Variants in DUSP14 observed in about 807,000 individuals in gnomAD.
DUSP14 encodes the protein dual specificity protein phosphatase 14.
Under a neutral mutation model 13.2 loss-of-function variants are expected in DUSP14, and 5 were observed. That is an observed-to-expected ratio of 0.38 (90% confidence interval 0.20 to 0.80). The LOEUF is 0.80. Among genes scored for constraint, DUSP14 ranks in the 30% least tolerant of loss-of-function variants. DUSP14 has a pLI of 0.44. For missense variants in DUSP14, 185 were observed against 264.0 expected (o/e 0.70, Z 2.07); for synonymous variants, 91 against 103.4 (o/e 0.88, Z 0.73).
At chr17:37,489,312 T>A (rs960081590), upstream of DUSP14, among the ~76,000 whole-genome samples, 1 of 151,900 alleles carries the variant, frequency 6.6e-6, no homozygotes, top group Non-Finnish European at 1.5e-5. Flanking sequence ...GGAGGTTGCA[T>A]GTTCACCTCC....
At chr17:37,500,777 T>C (rs1293435699) in intron 1 of DUSP14, among the ~76,000 whole-genome samples, 2 of 152,204 alleles carry the variant, frequency 1.3e-5, no homozygotes, top group South Asian at 4.1e-4. Context: ...CTGTGGACTT[T>C]TGCGAGCTTT....
chr17:37,509,781 G>A (rs1178774344), intron 1 of DUSP14: 1 of 152,062 alleles, frequency 6.6e-6, no homozygotes, highest in Admixed American at 6.5e-5. Context: ...TGAGGGGGAT[G>A]ATGGATGTGT....
chr17:37,509,956 A>C (rs577193019), intron 1 of DUSP14: 26 of 152,354 alleles, frequency 1.7e-4, no homozygotes, highest in African/African-American at 6.0e-4. Context: ...GTGGGGGAAC[A>C]GGTGGTAGAA....
chr17:37,490,744 C>T (rs748015619), intron 1 of DUSP14, among the ~76,000 whole-genome samples: 1 of 151,954 alleles, frequency 6.6e-6, no homozygotes, highest in East Asian at 1.9e-4. Flanking sequence ...TCCAGCAGGA[C>T]CTCCGGACAT....
At chr17:37,501,027 A>G (rs853215) in intron 1 of DUSP14, among the ~76,000 whole-genome samples, 108,390 of 152,012 alleles carry the variant, frequency 0.71, 39,186 homozygotes, top group East Asian at 0.97. Context: ...AGCCACAAAT[A>G]GACAACTCAT....
intron 1 of DUSP14, among the ~76,000 whole-genome samples, chr17:37,492,756 C>T (rs528730853): frequency 1.3e-5 from 2 of 152,226 alleles, no homozygotes; most frequent in South Asian, 2.1e-4. Context: ...ATTATTTTAA[C>T]GAAAACATAA....
At chr17:37,494,065 C>A (rs1056750161) in intron 1 of DUSP14, among the ~76,000 whole-genome samples, 5 of 150,966 alleles carry the variant, frequency 3.3e-5, no homozygotes, top group Non-Finnish European at 7.4e-5. Context: ...GCGATCTCGG[C>A]TCACTGCAAG....
At chr17:37,510,517 T>C (rs2054176282) in intron 1 of DUSP14, 160 bp from the exon 2 acceptor site, 1 of 152,228 alleles carries the variant, frequency 6.6e-6, no homozygotes, top group Admixed American at 6.5e-5. Flanking sequence ...GGCCGGTGTT[T>C]CTTACTGGTG....
At chr17:37,489,492 C>T (rs757798872), upstream of DUSP14, among the ~76,000 whole-genome samples, 4 of 152,184 alleles carry the variant, frequency 2.6e-5, no homozygotes, top group South Asian at 2.1e-4. Flanking sequence ...CGGCTTCACA[C>T]CTGTATCGGA....
chr17:37,500,837 G>A (rs565339044), intron 1 of DUSP14, among the ~76,000 whole-genome samples: 1 of 152,234 alleles, frequency 6.6e-6, no homozygotes, highest in South Asian at 2.1e-4. Flanking sequence ...CAACAGTTTA[G>A]GATTCTTAGA....
intron 1 of DUSP14, among the ~76,000 whole-genome samples, chr17:37,490,803 G>T (rs978126966): frequency 6.6e-6 from 1 of 152,112 alleles, no homozygotes; most frequent in Non-Finnish European, 1.5e-5. Context: ...TATAAGAGAG[G>T]GGGGTGGAGA....
chr17:37,510,992 TATATA>T lies in DUSP14; in HGVS notation c.-93+234_-93+238del, dbSNP rs562733109. ...TCTGCTCTTATTAAATGTCAATATA[TATATA>T]ATATATATCAATATATATGTAAATG... On this transcript the variant is annotated intron_variant, in intron 2 of 2. Transcript: ENST00000617516. Among the ~76,000 whole-genome samples the T allele has an allele frequency of 4.5e-3, 222 of 48,904 alleles. 4 individuals are homozygous for T. The highest frequency in any genetic ancestry group is 0.023 in the African/African-American group (192 of 8,526). 32.1% of individuals were successfully genotyped at this position (48,904 alleles called of 152,430 possible).
At chr17:37,496,414 G>A (rs1291068809) in intron 1 of DUSP14, among the ~76,000 whole-genome samples, 9 of 151,218 alleles carry the variant, frequency 6.0e-5, no homozygotes, top group African/African-American at 9.7e-5. Flanking sequence ...ATCGAGACTA[G>A]CCTGACCAAC....
At chr17:37,508,734 A>ACAT (rs1568204174) in intron 1 of DUSP14, among the ~76,000 whole-genome samples, 2 of 144,154 alleles carry the variant, frequency 1.4e-5, no homozygotes, top group African/African-American at 5.1e-5. Flanking sequence ...ACTCCATCTC[A>ACAT]ATATATATAT....
intron 2 of DUSP14, among the ~76,000 whole-genome samples, chr17:37,511,506 C>G (rs960348419): frequency 4.6e-5 from 7 of 151,500 alleles, no homozygotes; most frequent in African/African-American, 1.7e-4. Context: ...GTCTCGAACT[C>G]CTGACCTCAG....
intron 1 of DUSP14, among the ~76,000 whole-genome samples, chr17:37,505,951 C>T (rs1010363789): frequency 2.6e-5 from 4 of 152,096 alleles, no homozygotes; most frequent in South Asian, 2.1e-4. Flanking sequence ...AGACCAGCAT[C>T]GTCTCTGAGA....
At chr17:37,511,433 A>G (rs1274568232) in intron 2 of DUSP14, among the ~76,000 whole-genome samples, 3 of 151,950 alleles carry the variant, frequency 2.0e-5, no homozygotes, top group Admixed American at 6.6e-5. Context: ...GGTGCTCGCC[A>G]CCATGCTCAG....
intron 1 of DUSP14, among the ~76,000 whole-genome samples, chr17:37,508,069 G>A (rs1305824346): frequency 6.6e-6 from 1 of 152,234 alleles, no homozygotes; most frequent in African/African-American, 2.4e-5. Flanking sequence ...GGACTGCTCT[G>A]TGTACTCCCA....
intron 1 of DUSP14, among the ~76,000 whole-genome samples, chr17:37,499,340 T>A (rs575230644): frequency 4.6e-5 from 7 of 152,240 alleles, no homozygotes; most frequent in African/African-American, 1.4e-4. Flanking sequence ...TTTTATTTTT[T>A]AAATTTTTTT....
Sources: allele counts gnomAD v4.1 joint callset (sites outside exome capture counted in the v4.1 genomes callset), GRCh38; gene constraint gnomAD v4.1.1; transcripts MANE v1.5; gene names NCBI Gene and HGNC (gene_info 2026-07-23, HGNC 2026-07-21).